The following SLC20A2 variants were observed in gnomAD, a reference collection of about 807,000 sequenced individuals.
The protein encoded by SLC20A2 is sodium-dependent phosphate transporter 2.
SLC20A2 carries 30 observed loss-of-function variants against 61.0 expected under a neutral mutation model. The observed-to-expected ratio is 0.49, with a 90% CI of 0.37 to 0.67. The LOEUF (loss-of-function observed/expected upper bound fraction) is 0.67. Ranked by LOEUF, SLC20A2 falls within the 30% of genes least tolerant of loss-of-function variation. The pLI is 0.00. For synonymous variants in SLC20A2, 351 were observed against 353.3 expected (o/e 0.99, Z 0.07); for missense variants, 626 against 866.4 (o/e 0.72, Z 3.48).
chr8:42,471,279 G>A (rs970241582), intron 2 of SLC20A2: 2 of 454,684 alleles, frequency 4.4e-6, no homozygotes, highest in African/African-American at 2.0e-5. Context: ...CTGTCGTAGC[G>A]AGGGCAGTGA....
At chr8:42,484,130 C>T (rs1313572707) in intron 1 of SLC20A2, among the ~76,000 whole-genome samples, 2 of 152,162 alleles carry the variant, frequency 1.3e-5, no homozygotes, top group African/African-American at 2.4e-5. Context: ...TTGTTCTTAG[C>T]CAGCAGAAAA....
chr8:42,483,516 G>A (rs1808715643), intron 1 of SLC20A2, among the ~76,000 whole-genome samples: 1 of 152,216 alleles, frequency 6.6e-6, no homozygotes, highest in African/African-American at 2.4e-5. Context: ...CGCCTTGCTG[G>A]AGAGTCTGAG....
At chr8:42,451,880 G>A (rs1225698349) in intron 5 of SLC20A2, among the ~76,000 whole-genome samples, 1 of 140,096 alleles carries the variant, frequency 7.1e-6, no homozygotes, top group Non-Finnish European at 1.6e-5. Context: ...GGAGGAAGAG[G>A]AAGAGATGAA....
chr8:42,432,650 C>G (rs1025408870), intron 8 of SLC20A2, among the ~76,000 whole-genome samples: 1 of 152,160 alleles, frequency 6.6e-6, no homozygotes, highest in African/African-American at 2.4e-5. Flanking sequence ...TCATTGTTGT[C>G]TTAATTTAAG....
In SLC20A2 at chr8:42,532,450, G is replaced by A. The variant is rs575159442; in HGVS notation, c.-265+9371C>T. ...TTAAATAAAGGGCTGAAATGGCAGC[G>A]TATGACTGTTTTGACTGTCTTTAAA... On this transcript the variant is annotated intron_variant, in intron 1 of 10. Transcript: ENST00000342228. Among the ~76,000 whole-genome samples, 8 of 152,242 alleles carry A rather than the reference G, an allele frequency of 5.3e-5. No homozygotes were observed. In the East Asian group the frequency reaches 9.6e-4, roughly 18 times the overall value.
intron 1 of SLC20A2, among the ~76,000 whole-genome samples, chr8:42,479,199 T>A (rs1808380698): frequency 6.6e-6 from 1 of 152,202 alleles, no homozygotes; most frequent in Non-Finnish European, 1.5e-5. Flanking sequence ...AGAAACCCAT[T>A]CGTTAGTATT....
At chr8:42,459,336 G>A (rs892712700) in intron 5 of SLC20A2, among the ~76,000 whole-genome samples, 66 of 151,948 alleles carry the variant, frequency 4.3e-4, no homozygotes, top group African/African-American at 1.6e-3. Context: ...CATTGGCTTC[G>A]GTATCTAAAA....
intron 1 of SLC20A2, chr8:42,484,868 C>T (rs1396799543): frequency 3.1e-5 from 12 of 381,934 alleles, no homozygotes; most frequent in South Asian, 8.4e-5. Flanking sequence ...CTGGTCTACA[C>T]GCAGCCACTG....
intron 1 of SLC20A2, among the ~76,000 whole-genome samples, chr8:42,486,013 A>G (rs1463523226): frequency 1.3e-5 from 2 of 152,156 alleles, no homozygotes; most frequent in Non-Finnish European, 2.9e-5. Flanking sequence ...GCTTTCTTAT[A>G]AACTGGAGGG....
chr8:42,471,012 CAAAAT>C (rs1807597670), intron 2 of SLC20A2: 1 of 306,676 alleles, frequency 3.3e-6, no homozygotes, highest in Non-Finnish European at 6.4e-6. Context: ...ATGTAAGTGA[CAAAAT>C]AAAGAACTCG....
intron 1 of SLC20A2, among the ~76,000 whole-genome samples, chr8:42,514,166 A>G (rs1476975815): frequency 1.3e-5 from 2 of 152,224 alleles, no homozygotes; most frequent in Non-Finnish European, 1.5e-5. Flanking sequence ...TGTTAGCAAT[A>G]ATAATTGGGT....
At chr8:42,531,985 A>AT (rs11323818) in intron 1 of SLC20A2, among the ~76,000 whole-genome samples, 87 of 143,440 alleles carry the variant, frequency 6.1e-4, no homozygotes, top group East Asian at 2.0e-3. Context: ...CGCCTGGCTA[A>AT]TTTTTTTTTT....
intron 1 of SLC20A2, among the ~76,000 whole-genome samples, chr8:42,473,849 G>A (rs1209262649): frequency 1.3e-5 from 2 of 152,146 alleles, no homozygotes; most frequent in Non-Finnish European, 2.9e-5. Flanking sequence ...ACAATTTTAT[G>A]TACACTGTGA....
intron 10 of SLC20A2, among the ~76,000 whole-genome samples, chr8:42,423,831 A>G (rs1355733095): frequency 6.6e-6 from 1 of 152,218 alleles, no homozygotes; most frequent in Non-Finnish European, 1.5e-5. Context: ...GCTGTGTTCT[A>G]ACTTCCCTTT....
intron 1 of SLC20A2, among the ~76,000 whole-genome samples, chr8:42,492,055 A>G (rs1314125821): frequency 1.3e-5 from 2 of 152,052 alleles, no homozygotes; most frequent in African/African-American, 2.4e-5. Context: ...CTTCTCCCCA[A>G]AGGAAATGAA....
rs145339409 is a variant in SLC20A2, at chr8:42,530,344, C to G, written c.-265+11477G>C. Among the ~76,000 whole-genome samples the G allele has an allele frequency of 4.5e-4, 68 of 152,270 alleles. No homozygotes were observed. In the East Asian group the frequency reaches 0.012, roughly 27 times the overall value. On this transcript the variant is annotated intron_variant, in intron 1 of 10. Transcript: ENST00000342228. ...GTTAACTTTGTCCAAGTCTCCAAAA[C>G]AGATATTATTCAGGAAATATACTCA...
chr8:42,492,363 A>G (rs933314076), intron 1 of SLC20A2, among the ~76,000 whole-genome samples: 1 of 152,236 alleles, frequency 6.6e-6, no homozygotes, highest in Non-Finnish European at 1.5e-5. Flanking sequence ...CTCAAAAAAA[A>G]GAAAGAAAAC....
rs1305589876 is a variant in SLC20A2, at chr8:42,430,239, C to T, written c.1534G>A (p.Gly512Ser). 1.2e-6 allele frequency: 2 copies of T among 1,611,196 alleles called. No homozygotes were observed. Among genetic ancestry groups the T allele is most frequent in the South Asian group, 1.1e-5 (1 of 90,620 alleles). The part of the protein sequence containing the change: ...HGGNDVSNAI[G>S]PLVALWLIYK... ...ATCAGCCACAAGGCTACCAGGGGAC[C>T]GATGGCATTACTGGGAAAAATAAAA... Residue 512 changes from glycine to serine, a missense_variant, in exon 9 of 11, where the codon GGT becomes AGT. By Grantham distance (56) the Gly-to-Ser change is moderately conservative. This residue lies in a region of SLC20A2 where 138 missense variants were observed against 228.7 expected (regional missense o/e 0.60). Coordinates refer to ENST00000520262, the MANE Select transcript of SLC20A2 (RefSeq NM_001257180.2).
intron 1 of SLC20A2, among the ~76,000 whole-genome samples, chr8:42,524,386 T>C (rs894012283): frequency 2.0e-5 from 3 of 152,076 alleles, no homozygotes; most frequent in Non-Finnish European, 4.4e-5. Flanking sequence ...GGCCACAAAT[T>C]TATAAAGCTG....
Sources: allele counts gnomAD v4.1 joint callset (sites outside exome capture counted in the v4.1 genomes callset), GRCh38; gene constraint gnomAD v4.1.1; regional missense constraint gnomAD v4.1.1; transcripts MANE v1.5; gene names NCBI Gene and HGNC (gene_info 2026-07-23, HGNC 2026-07-21).